The following WDR27 variants were observed in gnomAD, a reference collection of about 807,000 sequenced individuals.
WDR27 encodes the protein WD repeat-containing protein 27.
A neutral mutation model predicts 114.4 loss-of-function variants in WDR27; 100 were observed. The ratio of observed to expected loss-of-function variants is 0.87; its 90% CI spans 0.74 to 1.03. The LOEUF (loss-of-function observed/expected upper bound fraction) is 1.03, where lower values mean the gene tolerates loss of function less well. Ranked by LOEUF, WDR27 falls within the 50% of genes least tolerant of loss-of-function variation. WDR27 has a pLI of 0.00. For missense variants in WDR27, 1,129 were observed against 1,092.9 expected (o/e 1.03, Z -0.47); for synonymous variants, 449 against 423.1 (o/e 1.06, Z -0.75).
intron 1 of WDR27, among the ~76,000 whole-genome samples, chr6:169,690,720 C>T (rs1224853887): frequency 2.6e-5 from 4 of 152,214 alleles, no homozygotes; most frequent in African/African-American, 9.6e-5. Context: ...GGGTGCTACT[C>T]ATCAGCAGGA....
At chr6:169,505,139 G>A (rs1791842028) in intron 25 of WDR27, among the ~76,000 whole-genome samples, 1 of 152,110 alleles carries the variant, frequency 6.6e-6, no homozygotes, top group Admixed American at 6.5e-5. Context: ...ATTTTCCTTT[G>A]GAGATGAATG....
chr6:169,462,351 C>T (rs561014061), intron 25 of WDR27, among the ~76,000 whole-genome samples: 2 of 151,986 alleles, frequency 1.3e-5, no homozygotes, highest in African/African-American at 2.4e-5. Context: ...GAAGGAGAAT[C>T]GCTTGAACCT....
chr6:169,513,390 G>C (rs1793165251), intron 25 of WDR27, among the ~76,000 whole-genome samples: 1 of 152,154 alleles, frequency 6.6e-6, no homozygotes, highest in African/African-American at 2.4e-5. Context: ...AGGCTTAAGG[G>C]GAGGGAACAC....
intron 25 of WDR27, among the ~76,000 whole-genome samples, chr6:169,514,624 TCAAA>T (rs1457516683): frequency 6.7e-6 from 1 of 148,362 alleles, no homozygotes; most frequent in Admixed American, 6.7e-5. Context: ...TAAAAAATGA[TCAAA>T]CAAATCCCTC....
chr6:169,517,039 G>A (rs749727893), intron 25 of WDR27, among the ~76,000 whole-genome samples: 4 of 152,130 alleles, frequency 2.6e-5, no homozygotes, highest in Non-Finnish European at 5.9e-5. Flanking sequence ...ATGTTGAAAT[G>A]TAATCTCCAA....
intron 4 of WDR27, 125 bp from the exon 5 acceptor site, chr6:169,668,310 T>C: frequency 2.1e-6 from 2 of 945,606 alleles, no homozygotes; most frequent in Admixed American, 2.4e-5. Context: ...GTCTCAGCAG[T>C]GTTAAAAGCC....
At chr6:169,553,058 C>G (rs76666494) in intron 25 of WDR27, among the ~76,000 whole-genome samples, 8 of 30,164 alleles carry the variant, frequency 2.7e-4, no homozygotes, top group Non-Finnish European at 3.6e-4. Flanking sequence ...CCTGGAGGGC[C>G]TGTGTGTGTG....
intron 21 of WDR27, among the ~76,000 whole-genome samples, chr6:169,626,934 T>C (rs1815008602): frequency 6.6e-6 from 1 of 152,250 alleles, no homozygotes; most frequent in South Asian, 2.1e-4. Flanking sequence ...GCTGAAAACC[T>C]GGACTCTAAA....
chr6:169,507,506 C>G (rs1792161264), intron 25 of WDR27, among the ~76,000 whole-genome samples: 1 of 152,162 alleles, frequency 6.6e-6, no homozygotes, highest in South Asian at 2.1e-4. Flanking sequence ...TAACCTGGAG[C>G]ATATCAGCCA....
At chr6:169,687,385 TAGAAA>T in intron 2 of WDR27, among the ~76,000 whole-genome samples, 1 of 151,902 alleles carries the variant, frequency 6.6e-6, no homozygotes, top group African/African-American at 2.4e-5. Flanking sequence ...TTCAAATCAA[TAGAAA>T]AAAGACAGAT....
At chr6:169,590,225 C>T (rs1446568098) in intron 23 of WDR27, among the ~76,000 whole-genome samples, 1 of 152,064 alleles carries the variant, frequency 6.6e-6, no homozygotes, top group East Asian at 1.9e-4. Flanking sequence ...TTCCCTTTAC[C>T]CAAATTAACC....
chr6:169,659,563 T>C lies in WDR27; in HGVS notation c.1130-45A>G, dbSNP rs552462726. 9.0e-6 allele frequency: 14 copies of C among 1,558,764 alleles called. No homozygotes were observed. In the East Asian group the frequency reaches 1.2e-4, roughly 13 times the overall value. Reference sequence around the variant, plus strand: ...AGGAAGAACATGATGGGGAGGGAGGTAGCACATACACACGGAGTCACTGCC... The same window carrying C: ...AGGAAGAACATGATGGGGAGGGAGGCAGCACATACACACGGAGTCACTGCC... On this transcript the variant is annotated intron_variant, in intron 10 of 25. Coordinates refer to ENST00000448612, the MANE Select transcript of WDR27 (RefSeq NM_182552.5). This position sits in a 1 kb window ranked among gnomAD's most constrained non-coding sequence, Gnocchi z 4.3.
chr6:169,650,148 CT>C (rs565539271), intron 14 of WDR27, among the ~76,000 whole-genome samples: 132 of 147,308 alleles, frequency 9.0e-4, no homozygotes, highest in African/African-American at 3.2e-3. Flanking sequence ...AACTCCGCCC[CT>C]CTCCATCCCT....
the WDR27 span, among the ~76,000 whole-genome samples, chr6:169,428,635 C>T: frequency 6.6e-6 from 1 of 151,706 alleles, no homozygotes. Flanking sequence ...CTTTGATAGC[C>T]GAATCTGCAC....
At chr6:169,590,006 A>C (rs1805408044) in intron 23 of WDR27, among the ~76,000 whole-genome samples, 1 of 79,538 alleles carries the variant, frequency 1.3e-5, no homozygotes, top group Non-Finnish European at 2.8e-5. Context: ...TGTGGCATAA[A>C]TCTGTGGGTG....
chr6:169,642,694 G>A (rs983982474), intron 17 of WDR27, among the ~76,000 whole-genome samples: 1 of 152,128 alleles, frequency 6.6e-6, no homozygotes, highest in African/African-American at 2.4e-5. Flanking sequence ...CTGGGTGTTA[G>A]CAAGCAGAGG....
intron 25 of WDR27, among the ~76,000 whole-genome samples, chr6:169,541,569 G>T (rs1025426234): frequency 6.6e-6 from 1 of 152,210 alleles, no homozygotes; most frequent in Non-Finnish European, 1.5e-5. Flanking sequence ...GCTTTAACCT[G>T]CAGGAACTTG....
chr6:169,647,340 G>A (rs1357392050), intron 16 of WDR27, among the ~76,000 whole-genome samples: 2 of 152,206 alleles, frequency 1.3e-5, no homozygotes, highest in African/African-American at 4.8e-5. Context: ...CAGCCTGCAT[G>A]ATGCCATCCC....
chr6:169,551,351 T>C (rs1358488126), intron 25 of WDR27, among the ~76,000 whole-genome samples: 1 of 152,144 alleles, frequency 6.6e-6, no homozygotes, highest in Admixed American at 6.5e-5. Context: ...GGTTACGTTT[T>C]TCACAGAACT....
Sources: gnomAD v4.1 joint callset for allele counts (sites outside exome capture counted in the v4.1 genomes callset) on GRCh38, gnomAD v4.1.1 for gene constraint, Gnocchi (gnomAD v3.1) non-coding constraint, MANE v1.5 for transcripts, NCBI Gene and HGNC (gene_info 2026-07-23, HGNC 2026-07-21) for gene names.